Variants in TMEM132B observed in about 807,000 individuals in gnomAD.
The protein encoded by TMEM132B is transmembrane protein 132B.
In TMEM132B, 18 loss-of-function variants were observed where a neutral mutation model predicts 90.8. That is an observed-to-expected ratio of 0.20 (90% CI 0.14 to 0.29). The LOEUF is 0.29. TMEM132B is among the 10% of genes least tolerant of loss of function. The probability of loss-of-function intolerance (pLI) is 1.00; values close to 1 mark genes in which losing one functional copy is unlikely to be tolerated. For missense variants in TMEM132B, 1,096 were observed against 1,326.8 expected (o/e 0.83, Z 2.70); for synonymous variants, 504 against 523.3 (o/e 0.96, Z 0.50).
intron 1 of TMEM132B, among the ~76,000 whole-genome samples, chr12:125,323,003 C>T (rs1165665870): frequency 6.6e-6 from 1 of 152,156 alleles, no homozygotes; most frequent in Non-Finnish European, 1.5e-5. Context: ...CACAATTTGT[C>T]TGGAGAACCT....
intron 1 of TMEM132B, chr12:125,326,555 A>C (rs376798986): frequency 4.2e-6 from 6 of 1,412,348 alleles, no homozygotes; most frequent in East Asian, 3.3e-5. Context: ...GGTGGGAATT[A>C]GGAACTGGGG....
At chr12:125,565,423 G>A (rs1211855566) in intron 4 of TMEM132B, among the ~76,000 whole-genome samples, 12 of 152,240 alleles carry the variant, frequency 7.9e-5, no homozygotes, top group African/African-American at 1.9e-4. Context: ...CCAAGTGTGC[G>A]TATGCTACAG....
chr12:125,544,315 A>T (rs1884032906), intron 4 of TMEM132B, among the ~76,000 whole-genome samples: 1 of 152,220 alleles, frequency 6.6e-6, no homozygotes, highest in African/African-American at 2.4e-5. Flanking sequence ...AAACCTGCAC[A>T]TCCTGCCCAT....
intron 4 of TMEM132B, among the ~76,000 whole-genome samples, chr12:125,577,702 A>T (rs1418097291): frequency 1.3e-5 from 2 of 151,594 alleles, no homozygotes; most frequent in African/African-American, 4.8e-5. Context: ...TAGGTTATTA[A>T]TTTGAGATAT....
At chr12:125,191,531 C>A (rs993425063) in intron 1 of TMEM132B, among the ~76,000 whole-genome samples, 1 of 152,176 alleles carries the variant, frequency 6.6e-6, no homozygotes, top group Non-Finnish European at 1.5e-5. Flanking sequence ...TGTGGCCCGG[C>A]CTCTGAACCA....
chr12:125,374,385 T>C (rs750226377), intron 2 of TMEM132B, among the ~76,000 whole-genome samples: 7 of 151,928 alleles, frequency 4.6e-5, no homozygotes, highest in Non-Finnish European at 1.0e-4. Flanking sequence ...TGGATTCTCA[T>C]GGGAGTCTGT....
At chr12:125,429,891 C>A (rs1880445424) in intron 3 of TMEM132B, among the ~76,000 whole-genome samples, 2 of 152,194 alleles carry the variant, frequency 1.3e-5, no homozygotes, top group Non-Finnish European at 2.9e-5. Context: ...ACACTGTACT[C>A]TTTGCAAGGA....
intron 4 of TMEM132B, among the ~76,000 whole-genome samples, chr12:125,559,143 A>C (rs1053594785): frequency 1.3e-5 from 2 of 152,188 alleles, no homozygotes; most frequent in Non-Finnish European, 2.9e-5. Context: ...AAGAAGGAGG[A>C]TGGCTTGAGG....
At chr12:125,396,708 T>C (rs1248987027) in intron 2 of TMEM132B, among the ~76,000 whole-genome samples, 1 of 152,114 alleles carries the variant, frequency 6.6e-6, no homozygotes, top group Non-Finnish European at 1.5e-5. Flanking sequence ...GATCTTGCTA[T>C]GTTTCCCAGG....
At position 125,621,256 on chromosome 12, in the gene TMEM132B, G is replaced by A. The variant is rs867880935; in HGVS notation, c.1438-22820G>A. On this transcript the variant is annotated intron_variant, in intron 5 of 8. Transcript: ENST00000682704. ...GAGACGGGGAAGACTTTATGGAGAA[G>A]GTGATGTTTGAGCCGTGTCTTGAGG... 1.3e-5 allele frequency among the ~76,000 whole-genome samples: 2 copies of A among 152,122 alleles called. 1 individual carries two copies. The highest frequency in any genetic ancestry group is 4.1e-4 in the South Asian group (2 of 4,826).
intron 2 of TMEM132B, among the ~76,000 whole-genome samples, chr12:125,376,898 C>T (rs1021108449): frequency 6.6e-6 from 1 of 152,232 alleles, no homozygotes; most frequent in Non-Finnish European, 1.5e-5. Flanking sequence ...GTGTGGGGAG[C>T]AGGGAAGAAA....
At chr12:125,476,740 T>C (rs1158990014) in intron 3 of TMEM132B, among the ~76,000 whole-genome samples, 1 of 152,196 alleles carries the variant, frequency 6.6e-6, no homozygotes. Flanking sequence ...TTTGAGGAGC[T>C]GCCAAACTGT....
At chr12:125,614,670 T>C (rs1885944725) in intron 5 of TMEM132B, among the ~76,000 whole-genome samples, 1 of 152,144 alleles carries the variant, frequency 6.6e-6, no homozygotes, top group African/African-American at 2.4e-5. Flanking sequence ...ACACTTTTAG[T>C]GGGAATGTAA....
chr12:125,295,068 A>AG (rs1875634774), intron 1 of TMEM132B, among the ~76,000 whole-genome samples: 1 of 152,256 alleles, frequency 6.6e-6, no homozygotes, highest in Non-Finnish European at 1.5e-5. Context: ...AGGCTGCAGA[A>AG]GAAAAAAAGC....
intron 3 of TMEM132B, among the ~76,000 whole-genome samples, chr12:125,421,926 G>T (rs1880180282): frequency 6.6e-6 from 1 of 152,150 alleles, no homozygotes; most frequent in African/African-American, 2.4e-5. Context: ...TATAACAGGT[G>T]CCTCTATTTC....
chr12:125,504,808 C>T (rs1012470711), intron 3 of TMEM132B, among the ~76,000 whole-genome samples: 1 of 151,920 alleles, frequency 6.6e-6, no homozygotes, highest in Non-Finnish European at 1.5e-5. Context: ...AGCTGAATTG[C>T]AGAAAGCTCA....
chr12:125,526,110 G>A (rs1052170057), intron 4 of TMEM132B, among the ~76,000 whole-genome samples: 5 of 152,154 alleles, frequency 3.3e-5, no homozygotes, highest in Non-Finnish European at 5.9e-5. Context: ...CTGTGTCCTC[G>A]CCAGTGTCAC....
At chr12:125,191,222 GGGTGGT>G (rs201839909) in intron 1 of TMEM132B, among the ~76,000 whole-genome samples, 1 of 150,070 alleles carries the variant, frequency 6.7e-6, no homozygotes, top group Non-Finnish European at 1.5e-5. Context: ...GATGGGGAAG[GGGTGGT>G]GGTGGTGATG....
intron 2 of TMEM132B, among the ~76,000 whole-genome samples, chr12:125,397,291 G>A (rs973017699): frequency 1.3e-5 from 2 of 152,098 alleles, no homozygotes; most frequent in Non-Finnish European, 2.9e-5. Context: ...TGTCTCTTCG[G>A]ACTGCCTGTT....
Sources: gnomAD v4.1 joint callset for allele counts (sites outside exome capture counted in the v4.1 genomes callset) on GRCh38, gnomAD v4.1.1 for gene constraint, MANE v1.5 for transcripts, NCBI Gene and HGNC (gene_info 2026-07-23, HGNC 2026-07-21) for gene names.